Variants in KDM5B observed in about 807,000 individuals in gnomAD.
KDM5B encodes lysine-specific demethylase 5B.
KDM5B carries 144 observed loss-of-function variants against 193.4 expected under a neutral mutation model. That is an observed-to-expected ratio of 0.74 (90% CI 0.65 to 0.86). KDM5B has a LOEUF of 0.86. Among genes scored for constraint, KDM5B ranks in the 40% least tolerant of loss-of-function variants. The probability of loss-of-function intolerance (pLI) is 0.00; values close to 1 mark genes in which losing one functional copy is unlikely to be tolerated. For synonymous variants in KDM5B, 668 were observed against 682.6 expected (o/e 0.98, Z 0.33); for missense variants, 1,833 against 1,886.9 (o/e 0.97, Z 0.53).
intron 12 of KDM5B, 51 bp downstream of exon 12, chr1:202,752,852 AAG>A: frequency 6.6e-7 from 1 of 1,509,796 alleles, no homozygotes. Context: ...AAAAAGGAAA[AAG>A]AGAAGTGGTG....
intron 1 of KDM5B, among the ~76,000 whole-genome samples, chr1:202,803,578 C>CA (rs1489391142): frequency 6.6e-6 from 1 of 151,760 alleles, no homozygotes; most frequent in African/African-American, 2.4e-5. Context: ...AATCCCAGCA[C>CA]TTTGGGAGGC....
At chr1:202,748,845 T>C (rs149615038) in intron 14 of KDM5B, 100 bp downstream of exon 14, 60 of 959,284 alleles carry the variant, frequency 6.3e-5, no homozygotes, top group Middle Eastern at 3.1e-4. Context: ...TCAAAGAAAA[T>C]AGGCTTTAAA....
At chr1:202,783,276 A>G (rs1657271375) in intron 1 of KDM5B, among the ~76,000 whole-genome samples, 1 of 151,954 alleles carries the variant, frequency 6.6e-6, no homozygotes. Flanking sequence ...TAACAAGAAA[A>G]GAAGAGAAGA....
intron 1 of KDM5B, chr1:202,806,753 G>A (rs1202218552): frequency 1.3e-5 from 2 of 151,800 alleles, no homozygotes; most frequent in South Asian, 4.1e-4. Context: ...AACTCAAAAT[G>A]TCATTACAAA....
chr1:202,752,945 G>T lies in KDM5B; in HGVS notation c.1661C>A (p.Thr554Asn). The change falls in exon 12 of 27, where the codon ACC becomes AAC. Residue 554 changes from threonine to asparagine, a missense_variant. Thr to Asn is a moderately conservative substitution (Grantham distance 65). This residue lies in a region of KDM5B where 1,379 missense variants were observed against 1,349.6 expected (regional missense o/e 1.02). Transcript: ENST00000367265. The part of the protein sequence containing the change: ...SQPDLLHQLV[T>N]IMNPNTLMTH... ...CATCAGGGTATTGGGGTTCATGATG[G>T]TCACAAGCTGATGGAGGAGATCCGG... 1 of 1,614,178 alleles carries T rather than the reference G, an allele frequency of 6.2e-7. No homozygotes were observed.
intron 25 of KDM5B, among the ~76,000 whole-genome samples, 168 bp downstream of exon 25, chr1:202,730,741 A>G (rs1356910862): frequency 6.6e-6 from 1 of 152,248 alleles, no homozygotes; most frequent in African/African-American, 2.4e-5. Flanking sequence ...ATGTTAAGAA[A>G]CAGGACATTA....
In KDM5B at chr1:202,733,371, AATAACCCAACAAGGAAAGTCCAG is replaced by A. The variant is rs1454758635; in HGVS notation, c.3909+7_3909+29del. ...AAAGGTACAGAGCTTTGCAAATTCC[AATAACCCAACAAGGAAAGTCCAG>A]ATTCACCTTGTTTGTGTCTGACACC... is the stretch of plus-strand genomic sequence containing the variant. On this transcript the variant is annotated splice_region_variant and intron_variant, in intron 23 of 26. Transcript: ENST00000367265. The A allele has an allele frequency of 1.9e-6, 3 of 1,600,504 alleles. No individual in the cohort carries two copies. Among genetic ancestry groups the A allele is most frequent in the Non-Finnish European group, 2.6e-6 (3 of 1,171,506 alleles).
intron 7 of KDM5B, among the ~76,000 whole-genome samples, chr1:202,761,226 C>G (rs1479196953): frequency 1.3e-5 from 2 of 152,002 alleles, no homozygotes; most frequent in Non-Finnish European, 2.9e-5. Flanking sequence ...CTGCTTGAAG[C>G]CAGGAGTTTG....
chr1:202,754,130 T>C (rs1655914608), intron 11 of KDM5B, among the ~76,000 whole-genome samples: 1 of 152,228 alleles, frequency 6.6e-6, no homozygotes, highest in African/African-American at 2.4e-5. Flanking sequence ...GCAATTAGCA[T>C]TTCTAAGGAA....
intron 1 of KDM5B, among the ~76,000 whole-genome samples, chr1:202,798,463 CTTT>C (rs200364742): frequency 6.6e-5 from 10 of 151,764 alleles, no homozygotes; most frequent in Non-Finnish European, 1.0e-4. Context: ...GGGTTTTTGC[CTTT>C]TTTTGGGGTT....
At chr1:202,808,004 C>T (rs2102360839) in intron 1 of KDM5B, 98 bp downstream of exon 1, 3 of 1,250,340 alleles carry the variant, frequency 2.4e-6, no homozygotes, top group African/African-American at 1.6e-5. Flanking sequence ...GCGGGGCGAC[C>T]GGCTCCCCGC....
At chr1:202,797,498 G>T (rs1657895842) in intron 1 of KDM5B, among the ~76,000 whole-genome samples, 1 of 152,038 alleles carries the variant, frequency 6.6e-6, no homozygotes, top group African/African-American at 2.4e-5. Context: ...ATAAATAAAA[G>T]AATAAAATAT....
In KDM5B at chr1:202,741,415, G is replaced by A. The variant is rs775876143; in HGVS notation, c.2897C>T (p.Thr966Ile). The A allele has an allele frequency of 1.3e-6, 2 of 1,595,996 alleles. No homozygotes were observed. The highest frequency in any genetic ancestry group is 1.7e-6 in the Non-Finnish European group (2 of 1,169,934). The part of the protein sequence containing the change: ...KAMARLQELL[T>I]VSEHWDDKAK... ...TTTGTCGTCCCAGTGCTCTGACACT[G>A]TGAGCAGTTCCTGCAGCCGGGCCAT... Residue 966 changes from threonine to isoleucine, a missense_variant, in exon 19 of 27, where the codon ACA becomes ATA. Thr to Ile is a moderately conservative substitution (Grantham distance 89). Transcript: ENST00000367265.
chr1:202,779,618 G>A (rs1209033283), intron 1 of KDM5B, among the ~76,000 whole-genome samples: 12 of 151,954 alleles, frequency 7.9e-5, no homozygotes, highest in Admixed American at 7.9e-4. Flanking sequence ...TGGCCAACAT[G>A]GCAAAACCCC....
intron 2 of KDM5B, among the ~76,000 whole-genome samples, chr1:202,775,625 A>C (rs1419049093): frequency 2.7e-5 from 4 of 149,798 alleles, no homozygotes; most frequent in Admixed American, 2.7e-4. Flanking sequence ...GGAGGCCAAA[A>C]TGGGCAGATC....
At position 202,725,536 on chromosome 1, in the gene KDM5B, G is replaced by C. The variant is rs1654645005; in HGVS notation, c.*3500C>G. ...TCACACTGCTGCTTCATAGTCACTAGGAGTTGAGGGACCCTGACCCTCATA... is the reference window on the plus strand; with the variant it reads ...TCACACTGCTGCTTCATAGTCACTACGAGTTGAGGGACCCTGACCCTCATA... On this transcript the variant is annotated 3_prime_UTR_variant, in exon 27 of 27. Coordinates refer to ENST00000367265, the MANE Select transcript of KDM5B (RefSeq NM_006618.5). 5 of 152,192 alleles carry C rather than the reference G, an allele frequency of 3.3e-5. No individual in the cohort carries two copies. The South Asian group carries it at 1.0e-3, about 31-fold the overall frequency. 9.4% of individuals were successfully genotyped at this position (152,192 alleles called of 1,614,324 possible). A position where few individuals can be genotyped will look rare whatever the true frequency, so the allele number is the denominator to read the frequency against.
At chr1:202,763,387 A>C (rs989333022) in intron 6 of KDM5B, among the ~76,000 whole-genome samples, 4 of 152,190 alleles carry the variant, frequency 2.6e-5, no homozygotes, top group African/African-American at 9.7e-5. Flanking sequence ...TGTTAAAGTA[A>C]ATCAAGAAAC....
intron 1 of KDM5B, among the ~76,000 whole-genome samples, chr1:202,782,251 T>C (rs539874005): frequency 6.6e-6 from 1 of 152,332 alleles, no homozygotes; most frequent in East Asian, 1.9e-4. Flanking sequence ...ACATTCACTG[T>C]CAGCTGCAAA....
At chr1:202,741,313 A>C in intron 19 of KDM5B, 54 bp downstream of exon 19, 1 of 1,294,144 alleles carries the variant, frequency 7.7e-7, no homozygotes, top group Non-Finnish European at 1.1e-6. Flanking sequence ...CTCTGTGTTT[A>C]AGCTGGAGAT....
Sources: allele counts gnomAD v4.1 joint callset (sites outside exome capture counted in the v4.1 genomes callset), GRCh38; gene constraint gnomAD v4.1.1; regional missense constraint gnomAD v4.1.1; transcripts MANE v1.5; gene names NCBI Gene and HGNC (gene_info 2026-07-23, HGNC 2026-07-21).